The following ALG9 variants were observed in gnomAD, a reference collection of about 807,000 sequenced individuals.
ALG9 encodes alpha-1,2-mannosyltransferase ALG9.
A neutral mutation model predicts 81.8 loss-of-function variants in ALG9; 55 were observed. The observed-to-expected ratio is 0.67, with a 90% CI of 0.54 to 0.84. ALG9 has a LOEUF of 0.84. Ranked by LOEUF, ALG9 falls within the 40% of genes least tolerant of loss-of-function variation. The probability of loss-of-function intolerance (pLI) is 0.00; values close to 1 mark genes in which losing one functional copy is unlikely to be tolerated. For synonymous variants in ALG9, 278 were observed against 274.3 expected, an observed-to-expected ratio of 1.01 and a Z score of -0.13; for missense variants, 629 against 745.0, an observed-to-expected ratio of 0.84 and a Z score of 1.81.
intron 4 of ALG9, among the ~76,000 whole-genome samples, 168 bp from the exon 5 acceptor site, chr11:111,860,803 T>C (rs1363482708): frequency 6.6e-6 from 1 of 152,238 alleles, no homozygotes; most frequent in Non-Finnish European, 1.5e-5. Context: ...CCAAACATTC[T>C]TATTTCTGAC....
At chr11:111,867,788 T>C (rs1322004119) in intron 3 of ALG9, among the ~76,000 whole-genome samples, 6 of 152,200 alleles carry the variant, frequency 3.9e-5, no homozygotes, top group South Asian at 2.1e-4. Context: ...CTTTGCACTG[T>C]TGTGCTCCTA....
intron 6 of ALG9, 49 bp downstream of exon 6, chr11:111,857,553 T>C (rs782436922): frequency 1.9e-6 from 3 of 1,613,298 alleles, no homozygotes; most frequent in East Asian, 2.2e-5. Context: ...AACATTAAGA[T>C]TTACTATATG....
intron 13 of ALG9, among the ~76,000 whole-genome samples, chr11:111,828,555 A>T (rs1268756185): frequency 6.6e-6 from 1 of 152,236 alleles, no homozygotes; most frequent in African/African-American, 2.4e-5. Flanking sequence ...AGTAGCAAAG[A>T]TAGTATTAAA....
intron 13 of ALG9, among the ~76,000 whole-genome samples, chr11:111,812,183 A>C (rs1350915395): frequency 6.6e-6 from 1 of 152,248 alleles, no homozygotes; most frequent in Non-Finnish European, 1.5e-5. Flanking sequence ...ATGTCAATCA[A>C]AATCCTAACA....
chr11:111,853,505 A>G lies in ALG9; in HGVS notation c.790-20T>C, dbSNP rs367736274. 4.7e-5 allele frequency: 75 copies of G among 1,601,666 alleles called. 1 individual carries two copies. The highest frequency in any genetic ancestry group is 3.8e-4 in the East Asian group (17 of 44,816). On this transcript the variant is annotated intron_variant, in intron 7 of 14. Transcript: ENST00000616540. ...AGGCACCTAAAACAGAGCAGAAAAT[A>G]GTTTTGATCTAGAAACATTCTCAAA...
At chr11:111,860,438 G>A in intron 5 of ALG9, 109 bp downstream of exon 5, 1 of 921,312 alleles carries the variant, frequency 1.1e-6, no homozygotes, top group Non-Finnish European at 1.8e-6. Context: ...TTGGACAAAT[G>A]CTTCCTTTAA....
intron 14 of ALG9, among the ~76,000 whole-genome samples, chr11:111,795,603 T>C (rs1357372443): frequency 1.3e-5 from 2 of 152,240 alleles, no homozygotes; most frequent in Admixed American, 1.3e-4. Context: ...TGATGTTCAA[T>C]AAATATTCAT....
At chr11:111,810,958 A>T (rs1591967343) in intron 13 of ALG9, among the ~76,000 whole-genome samples, 1 of 152,208 alleles carries the variant, frequency 6.6e-6, no homozygotes, top group Non-Finnish European at 1.5e-5. Flanking sequence ...GTATTAGAGG[A>T]TCTAGTCAGT....
At chr11:111,869,357 T>C (rs1285831139) in intron 2 of ALG9, among the ~76,000 whole-genome samples, 1 of 152,204 alleles carries the variant, frequency 6.6e-6, no homozygotes, top group Non-Finnish European at 1.5e-5. Flanking sequence ...CTTTGAATTT[T>C]CTATAATAAA....
In ALG9 at chr11:111,865,169, T is replaced by C. The variant is rs1163973842; in HGVS notation, c.476+12A>G. 6.5e-7 allele frequency: 1 copy of C among 1,537,376 alleles called. No homozygotes were observed. The highest frequency in any genetic ancestry group is 8.8e-7 in the Non-Finnish European group (1 of 1,142,546). On this transcript the variant is annotated intron_variant, in intron 4 of 14. Transcript: ENST00000616540. Reference sequence around the variant, plus strand: ...CTCACAGCACTTTTAGAAGCAAAGTTTTTATACTCACTTGTAAAAGTAAAG... The same window carrying C: ...CTCACAGCACTTTTAGAAGCAAAGTCTTTATACTCACTTGTAAAAGTAAAG...
rs782159641 is a variant in ALG9 at position 111,786,489 on chromosome 11, G to T, written c.1765C>A (p.Pro589Thr). 6.2e-7 allele frequency: 1 copy of T among 1,613,962 alleles called. No homozygotes were observed. Among genetic ancestry groups the T allele is most frequent in the Non-Finnish European group, 8.5e-7 (1 of 1,179,982 alleles). Reference protein sequence around the residue: ...SSKLLRAFYVPFLSDQYTVYV... With the variant: ...SSKLLRAFYVTFLSDQYTVYV... Reference sequence around the variant, plus strand: ...ACTGTATACTGATCTGACAGGAAGGGGACATAGAATGCCCGCAGCAGCTTT... The same window carrying T: ...ACTGTATACTGATCTGACAGGAAGGTGACATAGAATGCCCGCAGCAGCTTT... Residue 589 changes from proline (P) to threonine (T), a missense_variant, in exon 15 of 15, where the codon CCC (proline) becomes ACC (threonine). Pro to Thr is a conservative substitution (Grantham distance 38). Around this residue, in one of 3 missense-constraint regions of ALG9, gnomAD observed 264 missense variants for 302.2 expected, o/e 0.87. Coordinates refer to ENST00000616540, the MANE Select transcript of ALG9 (RefSeq NM_024740.2).
chr11:111,826,066 C>CAATAATAATAATAAT (rs4026118), intron 13 of ALG9, among the ~76,000 whole-genome samples: 16,454 of 132,458 alleles, frequency 0.12, 1,512 homozygotes, highest in African/African-American at 0.23. Context: ...AACTCCGTCT[C>CAATAATAATAATAAT]AATAATAATA....
chr11:111,795,248 T>C (rs1328795131), intron 14 of ALG9, among the ~76,000 whole-genome samples: 1 of 152,212 alleles, frequency 6.6e-6, no homozygotes, highest in Non-Finnish European at 1.5e-5. Context: ...CCTCCCACCC[T>C]TCTTACAATA....
Position 111,836,237 on chromosome 11 carries a change from T to C in ALG9, c.1530A>G (p.Ala510=), listed in dbSNP as rs1555117481. 6.2e-7 allele frequency: 1 copy of C among 1,614,106 alleles called. No homozygotes were observed. Among genetic ancestry groups the C allele is most frequent in the Non-Finnish European group, 8.5e-7 (1 of 1,179,982 alleles). ...EFRGQLPKPF[A]EGPLATRIVP... The stretch of plus-strand genomic sequence containing the variant: ...CAATCCGGGTGGCCAGAGGTCCTTC[T>C]GCAAAAGGTTTTGGTAACTGACCTC... Residue 510 remains alanine (A), a synonymous_variant, in exon 13 of 15, where the codon GCA becomes GCG. Coordinates refer to ENST00000616540, the MANE Select transcript of ALG9 (RefSeq NM_024740.2).
Position 111,788,749 on chromosome 11 carries a change from TC to T in ALG9, c.1734-2230del, listed in dbSNP as rs781920074. The stretch of plus-strand genomic sequence containing the variant: ...GCCTGGGTGACAGAGTGAGACATTG[TC>T]CCAAAAAAAAAAAAGTTACTCTTTT... On this transcript the variant is annotated intron_variant, in intron 14 of 14. Transcript: ENST00000616540. Among the ~76,000 whole-genome samples the T allele has an allele frequency of 1.6e-3, 229 of 143,554 alleles. 1 individual carries two copies. Among genetic ancestry groups the T allele is most frequent in the Non-Finnish European group, 1.5e-3 (100 of 65,604 alleles). The allele number at this position is 143,554 out of a possible 152,430, so 94.2% of individuals were successfully genotyped here. A position where few individuals can be genotyped will look rare whatever the true frequency, so the allele number is the denominator to read the frequency against.
intron 8 of ALG9, chr11:111,849,782 T>G (rs1957478344): frequency 6.6e-6 from 1 of 152,362 alleles, no homozygotes; most frequent in Middle Eastern, 3.4e-3. Context: ...TTCAGTTCCA[T>G]CCATGTCCCT....
intron 1 of ALG9, chr11:111,870,747 A>G (rs1216060735): frequency 2.0e-6 from 2 of 1,012,538 alleles, no homozygotes; most frequent in African/African-American, 1.7e-5. Context: ...ATGTCACTCC[A>G]TTTATCCCAA....
chr11:111,819,480 G>C (rs1278554964), intron 13 of ALG9, among the ~76,000 whole-genome samples: 1 of 152,182 alleles, frequency 6.6e-6, no homozygotes, highest in Non-Finnish European at 1.5e-5. Flanking sequence ...AAGAGTCCAA[G>C]GGGATAATGT....
At position 111,838,274 on chromosome 11, in the gene ALG9, A is replaced by T; in HGVS notation, c.1299T>A (p.Phe433Leu). Residue 433 changes from phenylalanine (F) to leucine (L), a missense_variant, in exon 11 of 15, where the codon TTT becomes TTA. Coordinates refer to ENST00000616540, the MANE Select transcript of ALG9 (RefSeq NM_024740.2). Reference sequence around the variant, plus strand: ...CTCTGAACAGTGCCACAGAGCGAGAAAATGACAAGAGCCCAAACAGGAAGA... The same window carrying T: ...CTCTGAACAGTGCCACAGAGCGAGATAATGACAAGAGCCCAAACAGGAAGA... ...GTVFLFGLLS[F>L]SRSVALFRGY... 1 of 1,614,210 alleles carries T rather than the reference A, an allele frequency of 6.2e-7. No individual in the cohort carries two copies. The highest frequency in any genetic ancestry group is 8.5e-7 in the Non-Finnish European group (1 of 1,180,018).
Sources: allele counts gnomAD v4.1 joint callset (sites outside exome capture counted in the v4.1 genomes callset), GRCh38; gene constraint gnomAD v4.1.1; regional missense constraint gnomAD v4.1.1; transcripts MANE v1.5; gene names NCBI Gene and HGNC (gene_info 2026-07-23, HGNC 2026-07-21).